The following SLC25A28 variants were observed in gnomAD, a reference collection of about 807,000 sequenced individuals.
The protein encoded by SLC25A28 is solute carrier family 25 member 28, also known as mitoferrin-2.
In SLC25A28, 10 loss-of-function variants were observed where a neutral mutation model predicts 31.9. The observed-to-expected ratio is 0.31, with a 90% CI of 0.19 to 0.53. The LOEUF (loss-of-function observed/expected upper bound fraction) is 0.53, where lower values mean the gene tolerates loss of function less well. SLC25A28 is among the 20% of genes least tolerant of loss of function. The pLI, the probability that SLC25A28 is intolerant of heterozygous loss-of-function variation, is 0.95. For synonymous variants in SLC25A28, 208 were observed against 203.6 expected (o/e 1.02, Z -0.19); for missense variants, 256 against 490.3 (o/e 0.52, Z 4.51).
the SLC25A28 span, among the ~76,000 whole-genome samples, chr10:99,634,439 TA>T: frequency 2.5e-5 from 3 of 120,934 alleles, no homozygotes; most frequent in Admixed American, 8.5e-5. Flanking sequence ...GGAAATAGCA[TA>T]AAAAAAAGCA....
the SLC25A28 span, among the ~76,000 whole-genome samples, chr10:99,651,594 C>CTTTTTTTTTTTTTTTTTTTTTTTTTTT: frequency 9.1e-6 from 1 of 110,174 alleles, no homozygotes; most frequent in African/African-American, 3.4e-5. Context: ...TTTTTCTTTT[C>CTTTTTTTTTTTTTTTTTTTTTTTTTTT]TTTTTTTTTT....
In SLC25A28 at chr10:99,613,878, T is replaced by C; in HGVS notation, c.338A>G (p.Asn113Ser). ...AATCCTCCAGAGGGCCTCCAACACA[T>C]TGCGATAGCGGGCAGCTGGGTCAGG... is the stretch of plus-strand genomic sequence containing the variant. ...LQPDPAARYR[N>S]VLEALWRIIR... The change falls in exon 2 of 4, where the codon AAT becomes AGT. Residue 113 changes from asparagine (N) to serine (S), a missense_variant. Physicochemically the swap from Asn to Ser is conservative, Grantham distance 46 (BLOSUM62 1). Transcript: ENST00000370495. This position sits in a 1 kb window ranked among gnomAD's most constrained non-coding sequence, Gnocchi z 4.9. 1 of 1,613,682 alleles carries C rather than the reference T, an allele frequency of 6.2e-7. No homozygotes were observed. The highest frequency in any genetic ancestry group is 8.5e-7 in the Non-Finnish European group (1 of 1,179,764).
the SLC25A28 span, among the ~76,000 whole-genome samples, chr10:99,657,071 T>C: frequency 2.1e-4 from 32 of 152,356 alleles, no homozygotes; most frequent in Admixed American, 2.1e-3. Flanking sequence ...ATGTAGGTCT[T>C]TTCTGTTTTA....
At chr10:99,634,472 G>A in the SLC25A28 span, among the ~76,000 whole-genome samples, 12 of 152,128 alleles carry the variant, frequency 7.9e-5, no homozygotes, top group South Asian at 1.7e-3. Context: ...AGGAAATATC[G>A]AACACACTTA....
the SLC25A28 span, among the ~76,000 whole-genome samples, chr10:99,637,104 G>GT: frequency 6.6e-6 from 1 of 152,256 alleles, no homozygotes; most frequent in South Asian, 2.1e-4. Context: ...GAGCAAGTGG[G>GT]TTTCATACCA....
the SLC25A28 span, among the ~76,000 whole-genome samples, chr10:99,632,370 T>A: frequency 1.7e-4 from 26 of 152,282 alleles, no homozygotes; most frequent in African/African-American, 6.3e-4. Flanking sequence ...TTTTGGTATC[T>A]GTGGAGGCTG....
the SLC25A28 span, chr10:99,654,049 AAGTT>A: frequency 4.6e-5 from 7 of 152,304 alleles, no homozygotes; most frequent in South Asian, 2.1e-4. Flanking sequence ...AAGTGAATGA[AAGTT>A]AGTTATGCAG....
chr10:99,635,822 T>G, the SLC25A28 span, among the ~76,000 whole-genome samples: 2 of 152,184 alleles, frequency 1.3e-5, no homozygotes, highest in African/African-American at 4.8e-5. Flanking sequence ...GGGCAGCTAT[T>G]CTTATATCAG....
chr10:99,616,003 G>A (rs2034644319), intron 1 of SLC25A28: 46 of 985,208 alleles, frequency 4.7e-5, no homozygotes, highest in African/African-American at 8.7e-5. Flanking sequence ...ATTCTAACTC[G>A]ATAAAAGTAC....
chr10:99,639,727 A>ACG, the SLC25A28 span, among the ~76,000 whole-genome samples: 1 of 148,052 alleles, frequency 6.8e-6, no homozygotes, highest in African/African-American at 2.5e-5. Flanking sequence ...ATGGGTACAC[A>ACG]CACACACACA....
the SLC25A28 span, among the ~76,000 whole-genome samples, chr10:99,659,121 C>G: frequency 6.6e-6 from 1 of 152,134 alleles, no homozygotes; most frequent in Non-Finnish European, 1.5e-5. The surrounding 1 kb of genome is among the most constrained non-coding windows in gnomAD (Gnocchi z 4.1). Context: ...GCGCTTCGGT[C>G]GCGAACACCC....
chr10:99,615,211 G>A (rs1412823027), intron 1 of SLC25A28, among the ~76,000 whole-genome samples: 1 of 152,050 alleles, frequency 6.6e-6, no homozygotes, highest in Non-Finnish European at 1.5e-5. Context: ...AAAAAAATTA[G>A]CCGGGCATGG....
chr10:99,623,943 T>A (rs995423166), upstream of SLC25A28, among the ~76,000 whole-genome samples: 1 of 152,190 alleles, frequency 6.6e-6, no homozygotes, highest in Non-Finnish European at 1.5e-5. Context: ...GCCCAGTACT[T>A]CTGTGATGAT....
chr10:99,624,447 T>G (rs1404313475), upstream of SLC25A28, among the ~76,000 whole-genome samples: 9 of 152,166 alleles, frequency 5.9e-5, no homozygotes, highest in Non-Finnish European at 1.3e-4. Flanking sequence ...TGCTAGACCT[T>G]GGACCACACT....
chr10:99,648,348 T>G, the SLC25A28 span, among the ~76,000 whole-genome samples: 1 of 152,196 alleles, frequency 6.6e-6, no homozygotes, highest in African/African-American at 2.4e-5. Flanking sequence ...ACTACTTTGG[T>G]GACTATAGCC....
chr10:99,657,533 A>G, the SLC25A28 span, among the ~76,000 whole-genome samples: 1 of 152,208 alleles, frequency 6.6e-6, no homozygotes, highest in African/African-American at 2.4e-5. Context: ...GAATTGAAGA[A>G]GAAAGGCAAA....
chr10:99,615,544 AGGTTAGTTACT>A, intron 1 of SLC25A28: 1 of 985,400 alleles, frequency 1.0e-6, no homozygotes, highest in Non-Finnish European at 1.2e-6. Context: ...GAAGCTTAAA[AGGTTAGTTACT>A]GGATGTTCAA....
At chr10:99,637,663 C>A in the SLC25A28 span, among the ~76,000 whole-genome samples, 1 of 152,142 alleles carries the variant, frequency 6.6e-6, no homozygotes, top group Non-Finnish European at 1.5e-5. Context: ...AGAATCAAAT[C>A]AGGAACTCAA....
the SLC25A28 span, among the ~76,000 whole-genome samples, chr10:99,644,379 G>C: frequency 6.7e-6 from 1 of 148,640 alleles, no homozygotes; most frequent in Non-Finnish European, 1.5e-5. Flanking sequence ...TCAGAGACTA[G>C]GATTGCAACC....
Sources: allele counts gnomAD v4.1 joint callset (sites outside exome capture counted in the v4.1 genomes callset), GRCh38; gene constraint gnomAD v4.1.1; non-coding constraint Gnocchi (gnomAD v3.1); transcripts MANE v1.5; gene names NCBI Gene and HGNC (gene_info 2026-07-23, HGNC 2026-07-21).